MBD6: variants seen among roughly 807,000 people sequenced by gnomAD.
MBD6 encodes the protein methyl-CpG binding domain protein 6.
Under a neutral mutation model 66.8 loss-of-function variants are expected in MBD6, and 22 were observed. The ratio of observed to expected loss-of-function variants is 0.33; its 90% confidence interval spans 0.24 to 0.47. The LOEUF is 0.47. Ranked by LOEUF, MBD6 falls within the 20% of genes least tolerant of loss-of-function variation. The pLI is 1.00. For synonymous variants in MBD6, 540 were observed against 534.6 expected (o/e 1.01, Z -0.14); for missense variants, 1,322 against 1,286.9 (o/e 1.03, Z -0.42).
Position 57,528,536 on chromosome 12 carries a change from C to A in MBD6, c.2796C>A (p.Pro932=), listed in dbSNP as rs779020137. ...GGAEPKDPPP[P]GPHSEDLKVP... is the part of the protein sequence containing the mutation. ...CTGAGCCCAAGGATCCACCCCCTCC[C>A]GGGCCCCATTCTGAGGACCTTAAGG... Residue 932 remains proline (P), a synonymous_variant, in exon 10 of 13, where the codon CCC becomes CCA. Transcript: ENST00000355673. 7 of 1,611,436 alleles carry A rather than the reference C, an allele frequency of 4.3e-6. No homozygotes were observed. The highest frequency in any genetic ancestry group is 5.9e-6 in the Non-Finnish European group (7 of 1,178,284).
rs1393027887 is a variant in MBD6, at chr12:57,525,907, T to C, written c.939T>C (p.Pro313=). The C allele has an allele frequency of 2.5e-6, 4 of 1,611,910 alleles. No homozygotes were observed. In the Admixed American group the frequency reaches 6.7e-5, roughly 27 times the overall value. ...PLGGAPTVEG[P]GAPPFLASSL... The stretch of plus-strand genomic sequence containing the variant: ...GAGGGGCCCCCACGGTGGAGGGGCC[T>C]GGGGCACCCCCCTTCCTTGCTAGCA... The change falls in exon 6 of 13, where the codon CCT becomes CCC. Residue 313 remains proline (P), a synonymous_variant. Coordinates refer to ENST00000355673, the MANE Select transcript of MBD6 (RefSeq NM_052897.4).
intron 3 of MBD6, 44 bp downstream of exon 3, chr12:57,524,460 C>A: frequency 6.7e-7 from 1 of 1,500,360 alleles, no homozygotes. Flanking sequence ...CTCCAGTTGC[C>A]CAGGTTTTCT....
downstream of MBD6, chr12:57,530,844 A>G: frequency 7.6e-7 from 1 of 1,311,192 alleles, no homozygotes; most frequent in South Asian, 1.2e-5. Context: ...GACCTGAAGG[A>G]ATTCTCTGAG....
At position 57,530,116 on chromosome 12, in the gene MBD6, T is replaced by G. The variant is rs1193374370; in HGVS notation, c.*882T>G. The stretch of plus-strand genomic sequence containing the variant: ...ACTGCTTTTCTATGGGAGACACTCT[T>G]AATTTAACAGATGAGAATATTTTGA... On this transcript the variant is annotated 3_prime_UTR_variant, in exon 13 of 13. Coordinates refer to ENST00000355673, the MANE Select transcript of MBD6 (RefSeq NM_052897.4). 6.6e-6 allele frequency: 1 copy of G among 152,562 alleles called. No individual in the cohort carries two copies. Among genetic ancestry groups the G allele is most frequent in the Non-Finnish European group, 1.5e-5 (1 of 68,070 alleles). 9.5% of individuals were successfully genotyped at this position (152,562 alleles called of 1,614,324 possible).
At chr12:57,523,286 G>C (rs915513190) in intron 1 of MBD6, 3 of 151,970 alleles carry the variant, frequency 2.0e-5, no homozygotes, top group African/African-American at 7.3e-5. Flanking sequence ...CAGTCTGGGT[G>C]ACAGGGCGCC....
rs1328256093 is a variant in MBD6 at position 57,525,416 on chromosome 12, C to G, written c.448C>G (p.Arg150Gly). 6.5e-7 allele frequency: 1 copy of G among 1,540,356 alleles called. No homozygotes were observed. Among genetic ancestry groups the G allele is most frequent in the East Asian group, 2.3e-5 (1 of 44,300 alleles). Reference sequence around the variant, plus strand: ...GCCCCCCTCTGCCCGCCCTCCCTGTCGAGTTCCTCCTACAACTCCACTTAA... The same window carrying G: ...GCCCCCCTCTGCCCGCCCTCCCTGTGGAGTTCCTCCTACAACTCCACTTAA... ...PGPPSARPPC[R>G]VPPTTPLNGG... Residue 150 changes from arginine (R) to glycine (G), a missense_variant, in exon 6 of 13, where the codon CGA becomes GGA. Arg to Gly is a moderately radical substitution (Grantham distance 125). Coordinates refer to ENST00000355673, the MANE Select transcript of MBD6 (RefSeq NM_052897.4).
chr12:57,526,164 T>C lies in MBD6; in HGVS notation c.1196T>C (p.Phe399Ser). Reference sequence around the variant, plus strand: ...GCCCCTGCTCCTGTCCCCCAACCCTTTTCTCTCCCGGAGCCATCCCAACCA... The same window carrying C: ...GCCCCTGCTCCTGTCCCCCAACCCTCTTCTCTCCCGGAGCCATCCCAACCA... ...PRAPAPVPQP[F>S]SLPEPSQPIL... is the part of the protein sequence containing the mutation. The change falls in exon 6 of 13, where the codon TTT becomes TCT. Residue 399 changes from phenylalanine to serine, a missense_variant. By Grantham distance (155) the Phe-to-Ser change is radical (BLOSUM62 -2). Transcript: ENST00000355673. The C allele has an allele frequency of 6.2e-7, 1 of 1,614,014 alleles. No homozygotes were observed. The highest frequency in any genetic ancestry group is 1.1e-5 in the South Asian group (1 of 91,070).
Position 57,526,896 on chromosome 12 carries a change from G to A in MBD6, c.1751G>A (p.Gly584Asp), listed in dbSNP as rs1475542037. The part of the protein sequence containing the change: ...EPLLPPPGGP[G>D]PPLAPGEPEG... The stretch of plus-strand genomic sequence containing the variant: ...CTGCTACCCCCACCAGGAGGACCTG[G>A]TCCTCCCCTAGCCCCAGGAGAGCCT... Residue 584 changes from glycine to aspartate, a missense_variant, in exon 7 of 13, where the codon GGT (glycine) becomes GAT (aspartate). Physicochemically the swap from Gly to Asp is moderately conservative, Grantham distance 94. Coordinates refer to ENST00000355673, the MANE Select transcript of MBD6 (RefSeq NM_052897.4). The A allele has an allele frequency of 6.2e-7, 1 of 1,613,574 alleles. No individual in the cohort carries two copies. Among genetic ancestry groups the A allele is most frequent in the South Asian group, 1.1e-5 (1 of 91,074 alleles).
chr12:57,528,544 A>G lies in MBD6; in HGVS notation c.2804A>G (p.His935Arg), dbSNP rs768829303. 30 of 1,610,690 alleles carry G rather than the reference A, an allele frequency of 1.9e-5. No individual in the cohort carries two copies. In the Admixed American group the frequency reaches 5.0e-4, roughly 27 times the overall value. Reference protein sequence around the residue: ...EPKDPPPPGPHSEDLKVPPGV... With the variant: ...EPKDPPPPGPRSEDLKVPPGV... ...AAGGATCCACCCCCTCCCGGGCCCCATTCTGAGGACCTTAAGGTGAGTGCA... is the reference window on the plus strand; with the variant it reads ...AAGGATCCACCCCCTCCCGGGCCCCGTTCTGAGGACCTTAAGGTGAGTGCA... Residue 935 changes from histidine to arginine, a missense_variant, in exon 10 of 13, where the codon CAT (histidine) becomes CGT (arginine). Coordinates refer to ENST00000355673, the MANE Select transcript of MBD6 (RefSeq NM_052897.4).
chr12:57,529,553 T>A lies in MBD6; in HGVS notation c.*319T>A. The A allele has an allele frequency of 3.8e-6, 1 of 260,998 alleles. No individual in the cohort carries two copies. The highest frequency in any genetic ancestry group is 7.5e-6 in the Non-Finnish European group (1 of 133,912). The allele number at this position is 260,998 out of a possible 1,614,324, so 16.2% of individuals were successfully genotyped here. On this transcript the variant is annotated 3_prime_UTR_variant, in exon 13 of 13. Transcript: ENST00000355673. ...CCAGGTCTTTTATTTGTTTAAGTTA[T>A]TTTTGCACAAATGACTCTTTTATAT...
rs180801846 is a variant in MBD6, at chr12:57,527,952, G to C, written c.2341G>C (p.Gly781Arg). Residue 781 changes from glycine to arginine, a missense_variant, in exon 9 of 13, where the codon GGG (glycine) becomes CGG (arginine). Physicochemically the swap from Gly to Arg is moderately radical, Grantham distance 125 (BLOSUM62 -2). Transcript: ENST00000355673. ...GQLGLQLLPGGGAPPPLSEAS... is the reference protein window; with the variant it reads ...GQLGLQLLPGRGAPPPLSEAS... ...GTTGGGGCTGCAGCTCCTCCCTGGG[G>C]GGGGAGCTCCTCCACCCCTCTCAGA... 5.8e-5 allele frequency: 93 copies of C among 1,596,700 alleles called. No individual in the cohort carries two copies. Among genetic ancestry groups the C allele is most frequent in the African/African-American group, 4.1e-4 (30 of 74,058 alleles).
chr12:57,529,243 C>G lies in MBD6; in HGVS notation c.*9C>G. 1 of 1,614,024 alleles carries G rather than the reference C, an allele frequency of 6.2e-7. No homozygotes were observed. The highest frequency in any genetic ancestry group is 8.5e-7 in the Non-Finnish European group (1 of 1,179,976). On this transcript the variant is annotated 3_prime_UTR_variant, in exon 13 of 13. Coordinates refer to ENST00000355673, the MANE Select transcript of MBD6 (RefSeq NM_052897.4). The stretch of plus-strand genomic sequence containing the variant: ...GGAAACTGGCCCCATAGCAGCCATA[C>G]CTGGAGCTGGATCTGACCCTGATTG...
chr12:57,526,257 T>G lies in MBD6; in HGVS notation c.1289T>G (p.Phe430Cys). The G allele has an allele frequency of 1.2e-6, 2 of 1,613,762 alleles. No individual in the cohort carries two copies. The highest frequency in any genetic ancestry group is 2.2e-5 in the South Asian group (2 of 91,066). The change falls in exon 6 of 13, where the codon TTT (phenylalanine) becomes TGT (cysteine). Residue 430 changes from phenylalanine to cysteine, a missense_variant. Physicochemically the swap from Phe to Cys is radical, Grantham distance 205. Coordinates refer to ENST00000355673, the MANE Select transcript of MBD6 (RefSeq NM_052897.4). ...GGCCCTTCCCACTCTGATGGAAGCT[T>G]TAACCTTTTGGGGTCAGATGCACAC... is the stretch of plus-strand genomic sequence containing the variant. ...TPGPSHSDGS[F>C]NLLGSDAHLP...
In MBD6 at chr12:57,525,995, G is replaced by A. The variant is rs1878904507; in HGVS notation, c.1027G>A (p.Gly343Ser). 2 of 1,613,014 alleles carry A rather than the reference G, an allele frequency of 1.2e-6. No homozygotes were observed. Among genetic ancestry groups the A allele is most frequent in the Non-Finnish European group, 1.7e-6 (2 of 1,179,864 alleles). ...ACTACCCCCTCCCAGCACTTTACAG[G>A]GCCGAAGGCCCCGTGCCCAGGCACC... Reference protein sequence around the residue: ...PPLPPPSTLQGRRPRAQAPSA... With the variant: ...PPLPPPSTLQSRRPRAQAPSA... The change falls in exon 6 of 13, where the codon GGC (glycine) becomes AGC (serine). Residue 343 changes from glycine (G) to serine (S), a missense_variant. Physicochemically the swap from Gly to Ser is moderately conservative, Grantham distance 56. Transcript: ENST00000355673.
In MBD6 at chr12:57,525,774, C is replaced by G. The variant is rs752601113; in HGVS notation, c.806C>G (p.Pro269Arg). 4 of 1,613,698 alleles carry G rather than the reference C, an allele frequency of 2.5e-6. No homozygotes were observed. Among genetic ancestry groups the G allele is most frequent in the South Asian group, 1.1e-5 (1 of 91,058 alleles). The change falls in exon 6 of 13, where the codon CCC (proline) becomes CGC (arginine). Residue 269 changes from proline to arginine, a missense_variant. Transcript: ENST00000355673. ...PLFHCSDALT[P>R]PPLPPSNNLP... ...TTCCACTGTAGTGATGCCTTAACACCCCCTCCCCTGCCCCCGAGCAATAAT... is the reference window on the plus strand; with the variant it reads ...TTCCACTGTAGTGATGCCTTAACACGCCCTCCCCTGCCCCCGAGCAATAAT...
intron 11 of MBD6, 110 bp from the exon 12 acceptor site, chr12:57,528,836 T>C: frequency 1.9e-6 from 3 of 1,597,596 alleles, no homozygotes; most frequent in Non-Finnish European, 2.6e-6. Context: ...TGAATATGAA[T>C]AAGGATATTA....
chr12:57,527,362 G>T, intron 7 of MBD6, 135 bp downstream of exon 7: 5 of 1,183,832 alleles, frequency 4.2e-6, no homozygotes, highest in African/African-American at 1.5e-5. Flanking sequence ...TTGGCTGGGG[G>T]TAGGATGACT....
chr12:57,526,435 C>T, intron 6 of MBD6, 47 bp downstream of exon 6: 1 of 1,530,814 alleles, frequency 6.5e-7, no homozygotes, highest in South Asian at 1.3e-5. Flanking sequence ...TGGAAAGAGG[C>T]AGCCAAGGCA....
In MBD6 at chr12:57,529,442, C is replaced by A; in HGVS notation, c.*208C>A. The A allele has an allele frequency of 1.8e-6, 1 of 563,756 alleles. No individual in the cohort carries two copies. Among genetic ancestry groups the A allele is most frequent in the South Asian group, 2.2e-5 (1 of 46,316 alleles). The allele number at this position is 563,756 out of a possible 1,614,324, so 34.9% of individuals were successfully genotyped here. ...CACCCCCCCCCACCACCCCCCCGCC[C>A]CCCCGAAGCCATGTCACTGAAAAGG... On this transcript the variant is annotated 3_prime_UTR_variant, in exon 13 of 13. Transcript: ENST00000355673.
Sources: allele counts gnomAD v4.1 joint callset, GRCh38; gene constraint gnomAD v4.1.1; transcripts MANE v1.5; gene names NCBI Gene and HGNC (gene_info 2026-07-23, HGNC 2026-07-21).